Variants in MAPK10 observed in about 807,000 individuals in gnomAD.
MAPK10 encodes the protein mitogen-activated protein kinase 10, also known as JNK3 alpha protein kinase.
In MAPK10, 25 loss-of-function variants were observed where a neutral mutation model predicts 59.3. The ratio of observed to expected loss-of-function variants is 0.42; its 90% CI spans 0.31 to 0.59. The LOEUF is 0.59. Among genes scored for constraint, MAPK10 ranks in the 20% least tolerant of loss-of-function variants. The pLI, the probability that MAPK10 is intolerant of heterozygous loss-of-function variation, is 0.15. For synonymous variants in MAPK10, 190 were observed against 200.5 expected, an observed-to-expected ratio of 0.95 and a Z score of 0.44; for missense variants, 351 against 568.9, an observed-to-expected ratio of 0.62 and a Z score of 3.90.
intron 1 of MAPK10, among the ~76,000 whole-genome samples, chr4:86,406,118 T>C (rs1744331444): frequency 6.6e-6 from 1 of 152,170 alleles, no homozygotes; most frequent in African/African-American, 2.4e-5. Context: ...GACCTATATA[T>C]GGACAATAAT....
chr4:86,176,681 G>A (rs1005167787), intron 3 of MAPK10, among the ~76,000 whole-genome samples: 2 of 151,934 alleles, frequency 1.3e-5, no homozygotes, highest in Non-Finnish European at 2.9e-5. Flanking sequence ...CAGAAGCATA[G>A]CACTAAATTA....
Position 86,174,288 on chromosome 4 carries a change from C to T in MAPK10, c.67-14821G>A, listed in dbSNP as rs1397665642. On this transcript the variant is annotated intron_variant, in intron 3 of 13. Coordinates refer to ENST00000641462, the MANE Select transcript of MAPK10 (RefSeq NM_138982.4). ...TATACACCGTGGAATACTACGCAGT[C>T]GTAAAGAGGAATGAGATCATATCCT... Among the ~76,000 whole-genome samples, 10 of 152,248 alleles carry T rather than the reference C, an allele frequency of 6.6e-5. No homozygotes were observed. The South Asian group carries it at 8.3e-4, about 13-fold the overall frequency.
intron 1 of MAPK10, among the ~76,000 whole-genome samples, chr4:86,380,871 A>AAC (rs1554255330): frequency 1.3e-5 from 2 of 151,604 alleles, no homozygotes; most frequent in South Asian, 2.1e-4. Context: ...AAAAAAAAAA[A>AAC]AAAACACTGG....
intron 9 of MAPK10, among the ~76,000 whole-genome samples, chr4:86,069,162 ATAAACT>A (rs1346004830): frequency 6.6e-6 from 1 of 152,186 alleles, no homozygotes; most frequent in East Asian, 1.9e-4. Flanking sequence ...CTGATTAAAG[ATAAACT>A]TAACTGTATT....
intron 3 of MAPK10, among the ~76,000 whole-genome samples, chr4:86,184,568 G>A (rs1303005107): frequency 6.6e-6 from 1 of 152,136 alleles, no homozygotes; most frequent in Non-Finnish European, 1.5e-5. Context: ...CAGTGCTGCA[G>A]GTGGGGCCTG....
intron 1 of MAPK10, among the ~76,000 whole-genome samples, chr4:86,487,192 T>A (rs1214330586): frequency 6.6e-6 from 1 of 151,742 alleles, no homozygotes; most frequent in African/African-American, 2.4e-5. Context: ...GATTATGGAG[T>A]ATGGAGTGGA....
chr4:86,136,704 T>G (rs1321820299), intron 4 of MAPK10, among the ~76,000 whole-genome samples: 1 of 150,432 alleles, frequency 6.6e-6, no homozygotes, highest in Admixed American at 6.6e-5. Context: ...TAAATGTAAA[T>G]GGACTAGATG....
intron 1 of MAPK10, among the ~76,000 whole-genome samples, chr4:86,520,959 T>C (rs1464115525): frequency 6.6e-6 from 1 of 152,236 alleles, no homozygotes; most frequent in African/African-American, 2.4e-5. Context: ...TCATGTGATG[T>C]GATCCATCTT....
chr4:86,219,702 T>C (rs983221039), intron 2 of MAPK10: 1 of 152,138 alleles, frequency 6.6e-6, no homozygotes, highest in Admixed American at 6.5e-5. Flanking sequence ...GACAGTAACA[T>C]AAATTAGTAG....
At chr4:86,575,773 A>C (rs1281292602) in intron 1 of MAPK10, among the ~76,000 whole-genome samples, 1 of 150,416 alleles carries the variant, frequency 6.6e-6, no homozygotes, top group Non-Finnish European at 1.5e-5. Flanking sequence ...AACCAAAAAC[A>C]CTCCATGGTG....
intron 1 of MAPK10, among the ~76,000 whole-genome samples, chr4:86,414,585 T>A (rs1014785753): frequency 3.9e-5 from 6 of 152,240 alleles, no homozygotes; most frequent in Non-Finnish European, 8.8e-5. Flanking sequence ...GATCAAATTA[T>A]GCCTGAAGTC....
chr4:86,045,331 ATCTT>A (rs1455220704), intron 11 of MAPK10, among the ~76,000 whole-genome samples: 3 of 152,102 alleles, frequency 2.0e-5, no homozygotes, highest in Middle Eastern at 3.2e-3. Context: ...TTGGTCAGGA[ATCTT>A]TCTTTCTTCA....
chr4:86,333,119 T>C (rs1175172439), intron 2 of MAPK10, among the ~76,000 whole-genome samples: 6 of 152,166 alleles, frequency 3.9e-5, no homozygotes. Flanking sequence ...CTGTAGAGAT[T>C]TTTTTAAAAA....
chr4:86,074,342 T>C (rs532584400), intron 9 of MAPK10, among the ~76,000 whole-genome samples: 16 of 150,318 alleles, frequency 1.1e-4, no homozygotes, highest in African/African-American at 3.4e-4. Context: ...CTTGACTCTT[T>C]ATCCAATTTG....
chr4:86,295,377 A>G (rs2095333820), intron 2 of MAPK10, among the ~76,000 whole-genome samples: 1 of 150,578 alleles, frequency 6.6e-6, no homozygotes, highest in African/African-American at 2.4e-5. Context: ...CTACTCCTTA[A>G]CCTCCTTCCC....
chr4:86,459,677 C>T (rs1329894499), intron 1 of MAPK10, among the ~76,000 whole-genome samples: 1 of 152,178 alleles, frequency 6.6e-6, no homozygotes, highest in Non-Finnish European at 1.5e-5. Flanking sequence ...GAAAACCAAA[C>T]ATCATATGTT....
chr4:86,286,735 C>T (rs952208101), intron 2 of MAPK10, among the ~76,000 whole-genome samples: 1 of 152,172 alleles, frequency 6.6e-6, no homozygotes, highest in Admixed American at 6.5e-5. Context: ...TCCTCAAGTA[C>T]TTCAGGAATG....
At chr4:86,385,985 T>TA (rs998217843) in intron 1 of MAPK10, among the ~76,000 whole-genome samples, 3 of 152,102 alleles carry the variant, frequency 2.0e-5, no homozygotes, top group East Asian at 1.9e-4. Context: ...CTGTGACTCA[T>TA]AAAAAAAATT....
Position 86,433,381 on chromosome 4 carries a change from T to C in MAPK10, c.-122+19649A>G, listed in dbSNP as rs549405898. Among the ~76,000 whole-genome samples, 14 of 151,988 alleles carry C rather than the reference T, an allele frequency of 9.2e-5. 1 individual carries two copies. In the South Asian group the frequency reaches 2.3e-3, roughly 25 times the overall value. On this transcript the variant is annotated intron_variant, in intron 1 of 13. Coordinates refer to the MAPK10 transcript ENST00000361569. ...GCAGCTAATACCAAAATACAAAAGG[T>C]TGGACTCCTTTCCTGAAGGCATGAT...
Sources: gnomAD v4.1 joint callset for allele counts (sites outside exome capture counted in the v4.1 genomes callset) on GRCh38, gnomAD v4.1.1 for gene constraint, MANE v1.5 for transcripts, NCBI Gene and HGNC (gene_info 2026-07-23, HGNC 2026-07-21) for gene names.